The following PARVB variants were observed in gnomAD, a reference collection of about 807,000 sequenced individuals.
PARVB encodes parvin beta.
A neutral mutation model predicts 47.0 loss-of-function variants in PARVB; 46 were observed. The ratio of observed to expected loss-of-function variants is 0.98; its 90% CI spans 0.77 to 1.25. PARVB has a LOEUF of 1.25. Among genes scored for constraint, PARVB ranks in the 50% most tolerant of loss-of-function variants. PARVB has a pLI of 0.00. For synonymous variants in PARVB, 196 were observed against 196.3 expected, an observed-to-expected ratio of 1.00 and a Z score of 0.01; for missense variants, 473 against 471.6, an observed-to-expected ratio of 1.00 and a Z score of -0.03.
Position 44,103,762 on chromosome 22 carries a change from C to G in PARVB, c.273+3639C>G, listed in dbSNP as rs920830834. The G allele has an allele frequency of 6.6e-6, 1 of 152,240 alleles. No individual in the cohort carries two copies. The highest frequency in any genetic ancestry group is 1.5e-5 in the Non-Finnish European group (1 of 68,080). 9.4% of individuals were successfully genotyped at this position (152,240 alleles called of 1,614,324 possible). On this transcript the variant is annotated intron_variant, in intron 3 of 12. Transcript: ENST00000338758. The surrounding 1 kb of genome is among the most constrained non-coding windows in gnomAD (Gnocchi z 4.6). ...GACCCTGGAGGCAAGGTGGTAGCTTCTGGCTCTGAAGATGGAAGAAGGGGC... is the reference window on the plus strand; with the variant it reads ...GACCCTGGAGGCAAGGTGGTAGCTTGTGGCTCTGAAGATGGAAGAAGGGGC...
chr22:44,021,206 G>A (rs926701200), upstream of PARVB, among the ~76,000 whole-genome samples: 1 of 152,152 alleles, frequency 6.6e-6, no homozygotes, highest in East Asian at 1.9e-4. Context: ...GTGAAGCCCC[G>A]CAAGGCCTGT....
At chr22:44,080,945 G>A (rs918547075) in intron 1 of PARVB, among the ~76,000 whole-genome samples, 1 of 152,208 alleles carries the variant, frequency 6.6e-6, no homozygotes, top group African/African-American at 2.4e-5. Flanking sequence ...CTCGAAAGGA[G>A]AGGAAGGGGA....
At chr22:44,025,440 A>G (rs1216863128) in intron 1 of PARVB, among the ~76,000 whole-genome samples, 1 of 152,074 alleles carries the variant, frequency 6.6e-6, no homozygotes, top group Non-Finnish European at 1.5e-5. Flanking sequence ...ATTTGCCTCT[A>G]GGCATGTGTG....
rs1270493313 is a variant in PARVB at position 44,155,106 on chromosome 22, C to T, written c.844-2876C>T. ...GTGTGTGGTGTAGGTGTGTGTTTTC[C>T]CTCCTTTTCCAAACCATTCTTACAT... On this transcript the variant is annotated intron_variant, in intron 10 of 12. Transcript: ENST00000338758. This position sits in a 1 kb window ranked among gnomAD's most constrained non-coding sequence, Gnocchi z 4.8. Among the ~76,000 whole-genome samples the T allele has an allele frequency of 6.6e-6, 1 of 150,932 alleles. No individual in the cohort carries two copies. Among genetic ancestry groups the T allele is most frequent in the African/African-American group, 2.4e-5 (1 of 41,040 alleles).
intron 1 of PARVB, among the ~76,000 whole-genome samples, chr22:44,074,531 C>A (rs1210207706): frequency 6.6e-6 from 1 of 152,168 alleles, no homozygotes; most frequent in African/African-American, 2.4e-5. Context: ...TCCATGGCAA[C>A]CCTAGGTGGG....
chr22:44,084,733 T>C (rs940107865), intron 1 of PARVB, among the ~76,000 whole-genome samples: 1 of 152,212 alleles, frequency 6.6e-6, no homozygotes, highest in African/African-American at 2.4e-5. Context: ...GGTAGCTCAC[T>C]GTGTCCCCCG....
intron 6 of PARVB, among the ~76,000 whole-genome samples, chr22:44,135,996 C>G (rs2053432908): frequency 6.6e-6 from 1 of 152,238 alleles, no homozygotes; most frequent in South Asian, 2.1e-4. Flanking sequence ...ACCCTTATTT[C>G]CAAATGAGAT....
At chr22:44,161,528 G>C (rs886457540) in intron 11 of PARVB, among the ~76,000 whole-genome samples, 3 of 152,032 alleles carry the variant, frequency 2.0e-5, no homozygotes, top group Admixed American at 1.3e-4. Context: ...TGGCCAGGCT[G>C]GTCTTGAACT....
intron 1 of PARVB, among the ~76,000 whole-genome samples, chr22:44,057,173 C>T (rs1227914549): frequency 6.6e-6 from 1 of 151,770 alleles, no homozygotes; most frequent in Non-Finnish European, 1.5e-5. Context: ...GAAAATTAAA[C>T]ACATTTAAGA....
intron 1 of PARVB, among the ~76,000 whole-genome samples, chr22:44,061,144 G>A (rs2051410925): frequency 6.6e-6 from 1 of 152,038 alleles, no homozygotes; most frequent in African/African-American, 2.4e-5. Context: ...AAACAGCAAA[G>A]TTGGCTGGGC....
intron 1 of PARVB, among the ~76,000 whole-genome samples, chr22:44,027,236 G>C (rs566995175): frequency 6.6e-6 from 1 of 152,292 alleles, no homozygotes; most frequent in African/African-American, 2.4e-5. Flanking sequence ...GGAGGAGCCC[G>C]TGTGCAGAGA....
In PARVB at chr22:44,029,396, G is replaced by A. The variant is rs181653966; in HGVS notation, c.112+4945G>A. ...TTGCAAATATTTTCTCCCAGCCAGC[G>A]GCTTGTCTTCCCTGTCTCTTGATCC... On this transcript the variant is annotated intron_variant, in intron 1 of 12. Transcript: ENST00000338758. 3.9e-5 allele frequency among the ~76,000 whole-genome samples: 6 copies of A among 152,292 alleles called. No individual in the cohort carries two copies. The East Asian group carries it at 5.8e-4, about 15-fold the overall frequency.
intron 7 of PARVB, among the ~76,000 whole-genome samples, chr22:44,138,428 G>T (rs763515906): frequency 2.6e-5 from 4 of 152,136 alleles, no homozygotes; most frequent in Non-Finnish European, 5.9e-5. Flanking sequence ...TGCCAGCCAG[G>T]GTCAGGGTAA....
At chr22:44,167,708 A>G (rs2054199175) in intron 12 of PARVB, among the ~76,000 whole-genome samples, 2 of 60,088 alleles carry the variant, frequency 3.3e-5, no homozygotes, top group Admixed American at 2.4e-4. Flanking sequence ...TGTGTCCCCA[A>G]GCCCGCCGAG....
chr22:44,167,728 C>T (rs2054200248), intron 12 of PARVB, among the ~76,000 whole-genome samples: 1 of 59,412 alleles, frequency 1.7e-5, no homozygotes, highest in African/African-American at 5.3e-5. Flanking sequence ...GCCGAGTTCC[C>T]CGACAGAGCC....
At chr22:44,099,915 G>C (rs1010715605) in intron 2 of PARVB, 138 bp from the exon 3 acceptor site, 15 of 682,344 alleles carry the variant, frequency 2.2e-5, no homozygotes, top group Non-Finnish European at 3.7e-5. Context: ...TCCAGAAGGC[G>C]GTTCCTTGCA....
chr22:44,066,223 C>T (rs1378011169), intron 1 of PARVB, among the ~76,000 whole-genome samples: 1 of 152,136 alleles, frequency 6.6e-6, no homozygotes, highest in Non-Finnish European at 1.5e-5. Context: ...CAACTGAGTG[C>T]TTTGTTTTTA....
chr22:44,046,305 C>T (rs2051110697), intron 1 of PARVB, among the ~76,000 whole-genome samples: 1 of 152,230 alleles, frequency 6.6e-6, no homozygotes, highest in Non-Finnish European at 1.5e-5. Context: ...CAGAAGTGTA[C>T]TGATCTGGAG....
intron 10 of PARVB, chr22:44,153,038 G>A (rs969096348): frequency 1.3e-5 from 2 of 152,192 alleles, no homozygotes; most frequent in Non-Finnish European, 2.9e-5. Context: ...CACATATAGC[G>A]AGTCATGGAC....
Sources: allele counts gnomAD v4.1 joint callset (sites outside exome capture counted in the v4.1 genomes callset), GRCh38; gene constraint gnomAD v4.1.1; non-coding constraint Gnocchi (gnomAD v3.1); transcripts MANE v1.5; gene names NCBI Gene and HGNC (gene_info 2026-07-23, HGNC 2026-07-21).